UBXN2A: variants seen among roughly 807,000 people sequenced by gnomAD.
UBXN2A encodes UBX domain protein 2A, also known as UBX domain-containing protein 2A.
Under a neutral mutation model 28.4 loss-of-function variants are expected in UBXN2A, and 28 were observed. The ratio of observed to expected loss-of-function variants is 0.99; its 90% CI spans 0.73 to 1.35. The LOEUF (loss-of-function observed/expected upper bound fraction) is 1.35, where lower values mean the gene tolerates loss of function less well. Ranked by LOEUF, UBXN2A falls within the 40% of genes most tolerant of loss-of-function variation. The probability of loss-of-function intolerance (pLI) is 0.00; values close to 1 mark genes in which losing one functional copy is unlikely to be tolerated. For missense variants in UBXN2A, 253 were observed against 297.9 expected (o/e 0.85, Z 1.11); for synonymous variants, 97 against 103.6 (o/e 0.94, Z 0.39).
intron 3 of UBXN2A, among the ~76,000 whole-genome samples, chr2:23,972,186 C>A (rs964124802): frequency 6.6e-6 from 1 of 152,150 alleles, no homozygotes; most frequent in East Asian, 1.9e-4. Context: ...AACTGCAACA[C>A]CTTAGCAGGA....
At position 23,999,941 on chromosome 2, in the gene UBXN2A, T is replaced by C. The variant is rs1708680146; in HGVS notation, c.*74T>C. ...TGGACATGCAAACCAAAATTGGGGA[T>C]TGGAGAAGTCAGACTCACTAGACTT... On this transcript the variant is annotated 3_prime_UTR_variant, in exon 7 of 7. Transcript: ENST00000309033. 2 of 1,497,910 alleles carry C rather than the reference T, an allele frequency of 1.3e-6. No homozygotes were observed. The highest frequency in any genetic ancestry group is 2.3e-5 in the East Asian group (1 of 43,992). 92.8% of individuals were successfully genotyped at this position (1,497,910 alleles called of 1,614,324 possible).
chr2:23,980,020 TAC>T (rs1707833491), intron 4 of UBXN2A, among the ~76,000 whole-genome samples: 1 of 152,106 alleles, frequency 6.6e-6, no homozygotes, highest in Non-Finnish European at 1.5e-5. Context: ...TTAATATGTC[TAC>T]AGTTTTACAA....
At chr2:23,947,306 A>C (rs1706134856) in intron 1 of UBXN2A, among the ~76,000 whole-genome samples, 2 of 152,154 alleles carry the variant, frequency 1.3e-5, no homozygotes, top group Admixed American at 1.3e-4. Flanking sequence ...GATTGATTTC[A>C]TCACTGCACT....
At chr2:23,948,945 CTTT>C (rs777506305) in intron 1 of UBXN2A, among the ~76,000 whole-genome samples, 9 of 131,790 alleles carry the variant, frequency 6.8e-5, no homozygotes, top group Non-Finnish European at 9.7e-5. Flanking sequence ...TCTCTTGTAG[CTTT>C]TTTTTTTTTT....
chr2:23,980,717 T>A (rs1707857035), intron 4 of UBXN2A, among the ~76,000 whole-genome samples: 1 of 152,140 alleles, frequency 6.6e-6, no homozygotes, highest in South Asian at 2.1e-4. Flanking sequence ...AACCTCCGCC[T>A]CCCAGGTTCA....
chr2:23,985,670 C>G (rs917229279), intron 6 of UBXN2A, among the ~76,000 whole-genome samples: 2 of 151,724 alleles, frequency 1.3e-5, no homozygotes, highest in Non-Finnish European at 2.9e-5. Flanking sequence ...CGCGAGCCAC[C>G]GTGCCCAGCT....
At chr2:23,944,482 C>G (rs1261462568) in intron 1 of UBXN2A, 1 of 651,970 alleles carries the variant, frequency 1.5e-6, no homozygotes, top group Non-Finnish European at 2.9e-6. Context: ...TTCAGATCCC[C>G]TTGGAACAGT....
upstream of UBXN2A, among the ~76,000 whole-genome samples, chr2:23,938,464 C>T (rs571623037): frequency 8.0e-5 from 12 of 150,778 alleles, no homozygotes; most frequent in Non-Finnish European, 1.6e-4. Flanking sequence ...AAAACTCCAT[C>T]TCAAAAAAAA....
intron 6 of UBXN2A, among the ~76,000 whole-genome samples, chr2:23,997,901 T>A (rs1199262480): frequency 6.6e-6 from 1 of 151,570 alleles, no homozygotes; most frequent in Non-Finnish European, 1.5e-5. Context: ...CAACCTCGCC[T>A]CCTGGGTTCA....
intron 2 of UBXN2A, among the ~76,000 whole-genome samples, chr2:23,959,780 T>C (rs1265117609): frequency 6.6e-6 from 1 of 152,210 alleles, no homozygotes; most frequent in Non-Finnish European, 1.5e-5. Flanking sequence ...TGAAGTATTG[T>C]CTACCAGGAA....
intron 4 of UBXN2A, 105 bp from the exon 5 acceptor site, chr2:23,982,790 AT>A (rs2150894743): frequency 8.6e-7 from 1 of 1,160,666 alleles, no homozygotes; most frequent in African/African-American, 1.6e-5. Context: ...AGAATATTAT[AT>A]ATTTCTGTAT....
chr2:23,950,905 C>T (rs559994845), intron 1 of UBXN2A, among the ~76,000 whole-genome samples: 3 of 152,148 alleles, frequency 2.0e-5, no homozygotes, highest in South Asian at 4.2e-4. Flanking sequence ...TCTCGAACTC[C>T]TGACCTCAGG....
chr2:24,004,432 G>C lies in UBXN2A; in HGVS notation c.*4565G>C, dbSNP rs1038841318. Reference sequence around the variant, plus strand: ...GCACTTTGGGAGGCTGAGGTGGATGGATCACGAGGTCAAGAGATCGAGACC... The same window carrying C: ...GCACTTTGGGAGGCTGAGGTGGATGCATCACGAGGTCAAGAGATCGAGACC... On this transcript the variant is annotated 3_prime_UTR_variant, in exon 7 of 7. Coordinates refer to ENST00000309033, the MANE Select transcript of UBXN2A (RefSeq NM_181713.4). 1 of 152,250 alleles carries C rather than the reference G, an allele frequency of 6.6e-6. No individual in the cohort carries two copies. The highest frequency in any genetic ancestry group is 2.4e-5 in the African/African-American group (1 of 41,460). 9.4% of individuals were successfully genotyped at this position (152,250 alleles called of 1,614,324 possible).
chr2:23,997,718 T>A (rs568725305), intron 6 of UBXN2A, among the ~76,000 whole-genome samples: 1 of 152,154 alleles, frequency 6.6e-6, no homozygotes, highest in South Asian at 2.1e-4. Flanking sequence ...AGTGCTGGGA[T>A]TACAGGTGTG....
At chr2:23,952,298 CTG>C (rs1706412658) in intron 1 of UBXN2A, among the ~76,000 whole-genome samples, 1 of 151,910 alleles carries the variant, frequency 6.6e-6, no homozygotes, top group South Asian at 2.1e-4. Context: ...CGGTCTCCCT[CTG>C]TTGCCCAAGC....
Position 23,961,797 on chromosome 2 carries a change from C to T in UBXN2A, c.41+3442C>T, listed in dbSNP as rs183037467. ...TCTTGACGTCATGATCTGCCTGCCT[C>T]GGACTCCCATAGTGCTGGGATTACA... On this transcript the variant is annotated intron_variant, in intron 2 of 6. Coordinates refer to ENST00000309033, the MANE Select transcript of UBXN2A (RefSeq NM_181713.4). Among the ~76,000 whole-genome samples the T allele has an allele frequency of 2.0e-3, 298 of 150,848 alleles. 1 individual carries two copies. Among genetic ancestry groups the T allele is most frequent in the African/African-American group, 6.7e-3 (275 of 41,070 alleles).
intron 6 of UBXN2A, among the ~76,000 whole-genome samples, chr2:23,998,483 G>C (rs1305924270): frequency 6.6e-6 from 1 of 152,152 alleles, no homozygotes; most frequent in Non-Finnish European, 1.5e-5. Flanking sequence ...ACTTTGAGAG[G>C]CTTAAGCGGG....
At chr2:23,986,256 G>A (rs1708125563) in intron 6 of UBXN2A, among the ~76,000 whole-genome samples, 1 of 152,038 alleles carries the variant, frequency 6.6e-6, no homozygotes, top group Non-Finnish European at 1.5e-5. Flanking sequence ...CTTGCAGTGA[G>A]CCGAGATTGC....
upstream of UBXN2A, among the ~76,000 whole-genome samples, chr2:23,939,272 G>A (rs1196876108): frequency 6.6e-6 from 1 of 152,148 alleles, no homozygotes; most frequent in Non-Finnish European, 1.5e-5. Context: ...TATACGTAAG[G>A]AGAGAGTTCA....
Sources: allele counts gnomAD v4.1 joint callset (sites outside exome capture counted in the v4.1 genomes callset), GRCh38; gene constraint gnomAD v4.1.1; transcripts MANE v1.5; gene names NCBI Gene and HGNC (gene_info 2026-07-23, HGNC 2026-07-21).